ABTB2: variants seen among roughly 807,000 people sequenced by gnomAD.
ABTB2 encodes ankyrin repeat and BTB/POZ domain-containing protein 2.
A neutral mutation model predicts 104.1 loss-of-function variants in ABTB2; 56 were observed. The observed-to-expected ratio is 0.54, with a 90% CI of 0.43 to 0.67. The LOEUF (loss-of-function observed/expected upper bound fraction) is 0.67. Ranked by LOEUF, ABTB2 falls within the 30% of genes least tolerant of loss-of-function variation. The pLI is 0.00. For synonymous variants in ABTB2, 606 were observed against 608.2 expected (o/e 1.00, Z 0.05); for missense variants, 1,279 against 1,407.7 (o/e 0.91, Z 1.46).
intron 1 of ABTB2, among the ~76,000 whole-genome samples, chr11:34,266,668 T>C (rs1854254865): frequency 6.6e-6 from 1 of 152,206 alleles, no homozygotes; most frequent in African/African-American, 2.4e-5. Context: ...AACATTCATT[T>C]ATTTTTCTTC....
At chr11:34,194,239 A>T (rs1853218729) in intron 3 of ABTB2, among the ~76,000 whole-genome samples, 1 of 152,176 alleles carries the variant, frequency 6.6e-6, no homozygotes, top group Non-Finnish European at 1.5e-5. Context: ...GCAGTAGAGG[A>T]GGTCACTTAA....
At position 34,301,593 on chromosome 11, in the gene ABTB2, A is replaced by C. The variant is rs562519274; in HGVS notation, c.883+55108T>G. On this transcript the variant is annotated intron_variant, in intron 1 of 16. Coordinates refer to ENST00000435224, the MANE Select transcript of ABTB2 (RefSeq NM_145804.3). Reference sequence around the variant, plus strand: ...TGTTCTCTGAATAACACATTTTAGCATTTCCCTCTGCCTGTGACCCAGAGA... The same window carrying C: ...TGTTCTCTGAATAACACATTTTAGCCTTTCCCTCTGCCTGTGACCCAGAGA... Among the ~76,000 whole-genome samples, 7 of 152,346 alleles carry C rather than the reference A, an allele frequency of 4.6e-5. No homozygotes were observed. In the South Asian group the frequency reaches 1.0e-3, roughly 23 times the overall value.
chr11:34,325,967 A>ACAT (rs1161888981), intron 1 of ABTB2, among the ~76,000 whole-genome samples: 3 of 144,658 alleles, frequency 2.1e-5, no homozygotes, highest in Admixed American at 6.8e-5. Context: ...AAATAAAATA[A>ACAT]AATAAAATAA....
chr11:34,309,987 A>G (rs2611137), intron 1 of ABTB2, among the ~76,000 whole-genome samples: 449 of 152,312 alleles, frequency 2.9e-3, no homozygotes, highest in African/African-American at 0.01. Context: ...GGAAACCCGG[A>G]TCACTCCTGA....
intron 3 of ABTB2, among the ~76,000 whole-genome samples, chr11:34,190,042 C>G (rs1005021749): frequency 6.6e-6 from 1 of 152,166 alleles, no homozygotes. Context: ...GAGTTTGAGA[C>G]CAGCCTGGCC....
intron 1 of ABTB2, among the ~76,000 whole-genome samples, chr11:34,347,157 C>T (rs1040891534): frequency 4.6e-5 from 7 of 152,170 alleles, no homozygotes; most frequent in South Asian, 2.1e-4. Context: ...AACCATGGGC[C>T]GGGCATGGTG....
chr11:34,250,421 G>A (rs1452306358), intron 1 of ABTB2, among the ~76,000 whole-genome samples: 1 of 152,176 alleles, frequency 6.6e-6, no homozygotes, highest in Non-Finnish European at 1.5e-5. Context: ...ACAAAGTGAC[G>A]ATAAATGTGA....
chr11:34,336,476 A>G (rs1280054710), intron 1 of ABTB2, among the ~76,000 whole-genome samples: 1 of 152,138 alleles, frequency 6.6e-6, no homozygotes, highest in Non-Finnish European at 1.5e-5. Context: ...TCTTATCTCT[A>G]TAAAAAATTT....
intron 1 of ABTB2, among the ~76,000 whole-genome samples, chr11:34,330,208 CT>C (rs1855112713): frequency 6.6e-6 from 1 of 152,202 alleles, no homozygotes; most frequent in Non-Finnish European, 1.5e-5. Context: ...ACAAAGCCCT[CT>C]GCCTCTAACA....
chr11:34,154,604 G>T lies in ABTB2; in HGVS notation c.2766+97C>A. ...CTGGGAACTGCTCTTCCTGTCAGATGGAGAGGAAGAGCCACCTTCCCTCTG... is the reference window on the plus strand; with the variant it reads ...CTGGGAACTGCTCTTCCTGTCAGATTGAGAGGAAGAGCCACCTTCCCTCTG... On this transcript the variant is annotated intron_variant, in intron 15 of 16. Transcript: ENST00000435224. The surrounding 1 kb of genome is among the most constrained non-coding windows in gnomAD (Gnocchi z 4.9). 8.1e-7 allele frequency: 1 copy of T among 1,233,494 alleles called. No individual in the cohort carries two copies. Among genetic ancestry groups the T allele is most frequent in the Non-Finnish European group, 1.2e-6 (1 of 849,646 alleles). 76.4% of individuals were successfully genotyped at this position (1,233,494 alleles called of 1,614,324 possible). A position where few individuals can be genotyped will look rare whatever the true frequency, so the allele number is the denominator to read the frequency against.
chr11:34,229,047 G>A (rs573516471), intron 1 of ABTB2, among the ~76,000 whole-genome samples: 6 of 150,432 alleles, frequency 4.0e-5, no homozygotes, highest in Non-Finnish European at 8.9e-5. Context: ...TAAATCTGGG[G>A]GTGCGGAGGT....
At chr11:34,325,680 G>C (rs1855061022) in intron 1 of ABTB2, among the ~76,000 whole-genome samples, 1 of 152,194 alleles carries the variant, frequency 6.6e-6, no homozygotes, top group Non-Finnish European at 1.5e-5. Flanking sequence ...GCCGGGTGCA[G>C]TGACTCACGC....
intron 1 of ABTB2, among the ~76,000 whole-genome samples, chr11:34,248,877 T>C (rs1444172321): frequency 6.6e-6 from 1 of 152,214 alleles, no homozygotes; most frequent in Non-Finnish European, 1.5e-5. Context: ...ACGCCTGTAA[T>C]CCCAGCACTT....
chr11:34,220,483 CTCT>C (rs1853606948), intron 1 of ABTB2, among the ~76,000 whole-genome samples: 1 of 152,240 alleles, frequency 6.6e-6, no homozygotes, highest in Non-Finnish European at 1.5e-5. Flanking sequence ...AGGGCTTTTG[CTCT>C]TCTTATTGCC....
chr11:34,177,805 C>T (rs796688299), intron 3 of ABTB2, among the ~76,000 whole-genome samples: 50 of 152,168 alleles, frequency 3.3e-4, no homozygotes, highest in African/African-American at 1.1e-3. Context: ...TAAGCTCAAG[C>T]GATCTGCCAA....
Position 34,154,896 on chromosome 11 carries a change from G to GT in ABTB2, c.2698-128dup. ...TGTCCCTCTGCAGGTCCCCAGCTCT[G>GT]TCTCTCCCTCCCTCTCCTGCTCAGG... On this transcript the variant is annotated intron_variant, in intron 14 of 16. Transcript: ENST00000435224. This position sits in a 1 kb window ranked among gnomAD's most constrained non-coding sequence, Gnocchi z 4.9. The GT allele has an allele frequency of 2.4e-6, 2 of 843,742 alleles. No homozygotes were observed. The highest frequency in any genetic ancestry group is 3.3e-5 in the South Asian group (2 of 60,382). The allele number at this position is 843,742 out of a possible 1,614,324, so 52.3% of individuals were successfully genotyped here. A position where few individuals can be genotyped will look rare whatever the true frequency, so the allele number is the denominator to read the frequency against.
At chr11:34,321,442 C>T (rs1423259561) in intron 1 of ABTB2, among the ~76,000 whole-genome samples, 2 of 152,188 alleles carry the variant, frequency 1.3e-5, no homozygotes, top group Admixed American at 6.5e-5. Context: ...TTTTCTGTCT[C>T]AAAGTAAATA....
intron 1 of ABTB2, among the ~76,000 whole-genome samples, chr11:34,313,694 C>A (rs113220593): frequency 2.6e-5 from 4 of 152,322 alleles, no homozygotes; most frequent in African/African-American, 9.6e-5. Context: ...GGAGGGCGCA[C>A]CTGCCTCAGT....
chr11:34,249,590 C>T (rs1854029941), intron 1 of ABTB2, among the ~76,000 whole-genome samples: 1 of 152,162 alleles, frequency 6.6e-6, no homozygotes, highest in African/African-American at 2.4e-5. Flanking sequence ...GAGCTTGACC[C>T]CACTACCCCA....
Sources: gnomAD v4.1 joint callset for allele counts (sites outside exome capture counted in the v4.1 genomes callset) on GRCh38, gnomAD v4.1.1 for gene constraint, Gnocchi (gnomAD v3.1) non-coding constraint, MANE v1.5 for transcripts, NCBI Gene and HGNC (gene_info 2026-07-23, HGNC 2026-07-21) for gene names.